PAG1: variants seen among roughly 807,000 people sequenced by gnomAD.
The protein encoded by PAG1 is phosphoprotein associated with glycosphingolipid-enriched microdomains 1.
PAG1 carries 23 observed loss-of-function variants against 31.7 expected under a neutral mutation model. That is an observed-to-expected ratio of 0.73 (90% CI 0.52 to 1.03). The LOEUF (loss-of-function observed/expected upper bound fraction) is 1.03, where lower values mean the gene tolerates loss of function less well. Among genes scored for constraint, PAG1 ranks in the 50% least tolerant of loss-of-function variants. PAG1 has a pLI of 0.00. For synonymous variants in PAG1, 214 were observed against 210.3 expected (o/e 1.02, Z -0.15); for missense variants, 473 against 540.7 (o/e 0.87, Z 1.24).
chr8:81,079,831 C>T (rs976799471), intron 1 of PAG1, among the ~76,000 whole-genome samples: 8 of 151,966 alleles, frequency 5.3e-5, no homozygotes, highest in Non-Finnish European at 1.2e-4. Context: ...TACAGTGGCA[C>T]GACCATGGCT....
At chr8:81,008,741 C>G (rs1325460314) in intron 3 of PAG1, among the ~76,000 whole-genome samples, 1 of 151,950 alleles carries the variant, frequency 6.6e-6, no homozygotes, top group Non-Finnish European at 1.5e-5. Flanking sequence ...CATGCTCTGC[C>G]ACAGCTCACT....
At chr8:81,032,050 C>T (rs1490962549) in intron 2 of PAG1, among the ~76,000 whole-genome samples, 7 of 152,042 alleles carry the variant, frequency 4.6e-5, no homozygotes, top group African/African-American at 7.2e-5. Flanking sequence ...TAACTCAGAC[C>T]GCAGAAAAAG....
At chr8:80,986,491 T>C (rs190425632) in intron 6 of PAG1, among the ~76,000 whole-genome samples, 2 of 152,300 alleles carry the variant, frequency 1.3e-5, no homozygotes, top group Non-Finnish European at 2.9e-5. Flanking sequence ...CAATGCATGA[T>C]GCAGAGGTTA....
At position 81,067,699 on chromosome 8, in the gene PAG1, A is replaced by C. The variant is rs141180611; in HGVS notation, c.-175+2413T>G. ...TTTTCACAGTGGAGACAGTTGTTAAAAGTTCTGACAAGCCCTGCGGTAACC... is the reference window on the plus strand; with the variant it reads ...TTTTCACAGTGGAGACAGTTGTTAACAGTTCTGACAAGCCCTGCGGTAACC... On this transcript the variant is annotated intron_variant, in intron 2 of 8. Transcript: ENST00000220597. The C allele has an allele frequency of 1.5e-4, 23 of 152,330 alleles. No individual in the cohort carries two copies. In the East Asian group the frequency reaches 2.9e-3, roughly 19 times the overall value. The allele number at this position is 152,330 out of a possible 1,614,324, so 9.4% of individuals were successfully genotyped here.
intron 2 of PAG1, among the ~76,000 whole-genome samples, chr8:81,053,732 T>A (rs1269728306): frequency 6.6e-6 from 1 of 152,130 alleles, no homozygotes; most frequent in African/African-American, 2.4e-5. Flanking sequence ...GAGGAACTGA[T>A]TTCAGGGTGG....
At chr8:81,103,896 T>A (rs1446419650) in intron 1 of PAG1, among the ~76,000 whole-genome samples, 1 of 152,234 alleles carries the variant, frequency 6.6e-6, no homozygotes, top group Non-Finnish European at 1.5e-5. Context: ...GATTCTTTCA[T>A]TCTTTCCATT....
chr8:81,090,349 C>T (rs1809425413), intron 1 of PAG1, among the ~76,000 whole-genome samples: 1 of 152,156 alleles, frequency 6.6e-6, no homozygotes, highest in South Asian at 2.1e-4. Context: ...TTATTTCTCA[C>T]AAAACCCTAT....
At chr8:81,023,914 T>A (rs1808230398) in intron 3 of PAG1, among the ~76,000 whole-genome samples, 1 of 152,190 alleles carries the variant, frequency 6.6e-6, no homozygotes, top group Non-Finnish European at 1.5e-5. Flanking sequence ...CTGCAAATGA[T>A]AATCGTCACA....
At chr8:80,988,169 A>C (rs1253517206) in intron 5 of PAG1, among the ~76,000 whole-genome samples, 2 of 151,544 alleles carry the variant, frequency 1.3e-5, no homozygotes, top group East Asian at 3.9e-4. Flanking sequence ...GCAGGTTGTG[A>C]GATATCAATT....
At chr8:81,019,886 C>A (rs1808133111) in intron 3 of PAG1, among the ~76,000 whole-genome samples, 2 of 152,162 alleles carry the variant, frequency 1.3e-5, no homozygotes, top group Admixed American at 1.3e-4. Context: ...ACACTCAACA[C>A]CAGCCTGTGA....
chr8:81,064,620 C>T (rs765957963), intron 2 of PAG1, among the ~76,000 whole-genome samples: 3 of 152,090 alleles, frequency 2.0e-5, no homozygotes, highest in Non-Finnish European at 2.9e-5. Context: ...GGTTAGATTC[C>T]AAACAGCTAA....
chr8:81,091,557 A>G (rs1164325120), intron 1 of PAG1, among the ~76,000 whole-genome samples: 1 of 152,204 alleles, frequency 6.6e-6, no homozygotes. Context: ...ATGTTACTGT[A>G]CTGAATACTG....
intron 1 of PAG1, among the ~76,000 whole-genome samples, chr8:81,103,452 T>C (rs1809642031): frequency 6.6e-6 from 1 of 152,202 alleles, no homozygotes; most frequent in Non-Finnish European, 1.5e-5. Context: ...ATCTGAACCC[T>C]GTATCTCAGT....
chr8:81,107,567 A>G (rs1809713557), intron 1 of PAG1, among the ~76,000 whole-genome samples: 1 of 152,164 alleles, frequency 6.6e-6, no homozygotes, highest in Non-Finnish European at 1.5e-5. Context: ...TGTCACTTCC[A>G]CAAAAGAGGA....
chr8:81,002,014 T>G (rs982072754), intron 3 of PAG1, among the ~76,000 whole-genome samples: 2 of 152,176 alleles, frequency 1.3e-5, no homozygotes, highest in Non-Finnish European at 2.9e-5. Context: ...CACTGCTTAC[T>G]CCCAGCCATG....
intron 5 of PAG1, among the ~76,000 whole-genome samples, chr8:80,989,901 G>GTGA (rs1218152057): frequency 6.6e-6 from 1 of 152,182 alleles, no homozygotes; most frequent in African/African-American, 2.4e-5. Flanking sequence ...CTAGAAGGAA[G>GTGA]TGAGGAATGG....
intron 3 of PAG1, among the ~76,000 whole-genome samples, chr8:81,015,529 C>T (rs746987576): frequency 6.6e-6 from 1 of 151,404 alleles, no homozygotes; most frequent in Non-Finnish European, 1.5e-5. Flanking sequence ...TAATGTTTAA[C>T]CTTTGTAAGA....
chr8:81,061,750 T>C (rs1004656063), intron 2 of PAG1, among the ~76,000 whole-genome samples: 3 of 152,112 alleles, frequency 2.0e-5, no homozygotes, highest in African/African-American at 7.2e-5. Context: ...ATAGGGAACA[T>C]TTAAAACGTA....
chr8:81,031,618 A>T (rs1484512292), intron 2 of PAG1, among the ~76,000 whole-genome samples: 1 of 152,256 alleles, frequency 6.6e-6, no homozygotes, highest in East Asian at 1.9e-4. Context: ...AGAACTAACA[A>T]TTTTTTAAAA....
Sources: allele counts gnomAD v4.1 joint callset (sites outside exome capture counted in the v4.1 genomes callset), GRCh38; gene constraint gnomAD v4.1.1; transcripts MANE v1.5; gene names NCBI Gene and HGNC (gene_info 2026-07-23, HGNC 2026-07-21).